NECTIN3: variants seen among roughly 807,000 people sequenced by gnomAD.
NECTIN3 encodes nectin cell adhesion molecule 3, also known as nectin-3.
In NECTIN3, 8 loss-of-function variants were observed where a neutral mutation model predicts 49.4. That is an observed-to-expected ratio of 0.16 (90% CI 0.10 to 0.29). The LOEUF (loss-of-function observed/expected upper bound fraction) is 0.29, where lower values mean the gene tolerates loss of function less well. Ranked by LOEUF, NECTIN3 falls within the 10% of genes least tolerant of loss-of-function variation. The pLI is 1.00. For missense variants in NECTIN3, 581 were observed against 654.6 expected, an observed-to-expected ratio of 0.89 and a Z score of 1.23; for synonymous variants, 277 against 241.1, an observed-to-expected ratio of 1.15 and a Z score of -1.38.
upstream of NECTIN3, among the ~76,000 whole-genome samples, chr3:111,191,887 A>G (rs2035819180): frequency 6.6e-6 from 1 of 152,220 alleles, no homozygotes; most frequent in Non-Finnish European, 1.5e-5. Flanking sequence ...GCTAGAGTAC[A>G]GTGGTACAAT....
chr3:111,072,388 C>T lies in NECTIN3; in HGVS notation c.160+211C>T, dbSNP rs978764759. On this transcript the variant is annotated intron_variant, in intron 1 of 5. Transcript: ENST00000485303. ...GAATGCTGAGCCGGCGGCCCGCTGC[C>T]CTCCCCCGCGGCCGCGCGGGTCGCC... 3.6e-5 allele frequency: 54 copies of T among 1,508,202 alleles called. No individual in the cohort carries two copies. In the Middle Eastern group the frequency reaches 6.9e-4, roughly 19 times the overall value. 93.4% of individuals were successfully genotyped at this position (1,508,202 alleles called of 1,614,324 possible). A position where few individuals can be genotyped will look rare whatever the true frequency, so the allele number is the denominator to read the frequency against.
At chr3:111,140,046 G>C (rs1433406093), downstream of NECTIN3, among the ~76,000 whole-genome samples, 1 of 151,748 alleles carries the variant, frequency 6.6e-6, no homozygotes, top group Non-Finnish European at 1.5e-5. Flanking sequence ...TTCAGTGATT[G>C]AAAGGTCTGA....
intron 7 of NECTIN3, among the ~76,000 whole-genome samples, chr3:111,167,298 A>G (rs545525433): frequency 6.6e-6 from 1 of 152,310 alleles, no homozygotes; most frequent in Admixed American, 6.5e-5. Flanking sequence ...TAGAATCAGC[A>G]TTTTTAGCTG....
At chr3:111,193,518 C>T (rs1372947414) in intron 1 of NECTIN3, 7 of 980,076 alleles carry the variant, frequency 7.1e-6, no homozygotes, top group African/African-American at 1.6e-5. Flanking sequence ...TAATGAATGA[C>T]GTAAAGCCAA....
intron 7 of NECTIN3, among the ~76,000 whole-genome samples, chr3:111,149,052 C>G (rs1270249803): frequency 6.6e-6 from 1 of 151,978 alleles, no homozygotes; most frequent in Non-Finnish European, 1.5e-5. Flanking sequence ...GGTAGAGACC[C>G]ATTTTTCCCA....
At chr3:111,073,403 G>C (rs1472132874) in intron 1 of NECTIN3, 1 of 152,308 alleles carries the variant, frequency 6.6e-6, no homozygotes, top group Non-Finnish European at 1.5e-5. Flanking sequence ...GGGATTGAGT[G>C]TCTCTTCTGG....
At chr3:111,096,017 G>A (rs1296839966) in intron 1 of NECTIN3, among the ~76,000 whole-genome samples, 2 of 152,202 alleles carry the variant, frequency 1.3e-5, no homozygotes, top group Admixed American at 1.3e-4. Context: ...TGGGTAACAG[G>A]CAGAGGTTGG....
chr3:111,152,052 A>G lies in NECTIN3; in HGVS notation c.1221+4568A>G, dbSNP rs571625269. Among the ~76,000 whole-genome samples the G allele has an allele frequency of 2.6e-5, 4 of 152,022 alleles. No individual in the cohort carries two copies. In the East Asian group the frequency reaches 7.7e-4, roughly 29 times the overall value. ...GTTACATATCTTGCCATTTTCTCCT[A>G]AAATATACTGGAGATCTTTTATTAT... On this transcript the variant is annotated intron_variant, in intron 7 of 8. Coordinates refer to the NECTIN3 transcript ENST00000493615.
At chr3:111,131,661 T>C (rs1291037187) in intron 5 of NECTIN3, among the ~76,000 whole-genome samples, 1 of 151,890 alleles carries the variant, frequency 6.6e-6, no homozygotes, top group Non-Finnish European at 1.5e-5. Context: ...TTTTGTTAAA[T>C]CTGAGTGAAA....
intron 1 of NECTIN3, among the ~76,000 whole-genome samples, chr3:111,102,543 G>T (rs903096137): frequency 2.2e-4 from 34 of 152,236 alleles, no homozygotes; most frequent in African/African-American, 8.0e-4. Flanking sequence ...TCAGGCAGCT[G>T]AAAGCTGGTT....
At chr3:111,141,030 C>T (rs1052236612), downstream of NECTIN3, among the ~76,000 whole-genome samples, 11 of 151,846 alleles carry the variant, frequency 7.2e-5, no homozygotes, top group African/African-American at 2.4e-4. Context: ...CCCTGCATTC[C>T]TGGCACTTAG....
At position 111,112,053 on chromosome 3, in the gene NECTIN3, G is replaced by C. The variant is rs776675701; in HGVS notation, c.184G>C (p.Val62Leu). The C allele has an allele frequency of 1.4e-5, 22 of 1,609,284 alleles. No individual in the cohort carries two copies. The highest frequency in any genetic ancestry group is 1.3e-4 in the South Asian group (12 of 90,476). Reference sequence around the variant, plus strand: ...AGGTGCCTTAGCTGGACCAATTATTGTGGAGCCACATGTCACAGCAGTATG... The same window carrying C: ...AGGTGCCTTAGCTGGACCAATTATTCTGGAGCCACATGTCACAGCAGTATG... ...LCGALAGPII[V>L]EPHVTAVWGK... The change falls in exon 2 of 6, where the codon GTG becomes CTG. Residue 62 changes from valine to leucine, a missense_variant. Physicochemically the swap from Val to Leu is conservative, Grantham distance 32. Coordinates refer to ENST00000485303, the MANE Select transcript of NECTIN3 (RefSeq NM_015480.3).
chr3:111,072,603 G>A, intron 1 of NECTIN3: 1 of 1,527,470 alleles, frequency 6.5e-7, no homozygotes, highest in Non-Finnish European at 8.8e-7. Context: ...GGAGCCCGAT[G>A]GAATGAAGCC....
chr3:111,191,169 T>TA (rs1192288355), upstream of NECTIN3, among the ~76,000 whole-genome samples: 2 of 152,128 alleles, frequency 1.3e-5, no homozygotes, highest in Non-Finnish European at 2.9e-5. Context: ...GATGTGAAAA[T>TA]ACAGAATTTG....
chr3:111,115,042 G>A (rs961968108), intron 2 of NECTIN3, among the ~76,000 whole-genome samples: 1 of 152,054 alleles, frequency 6.6e-6, no homozygotes, highest in African/African-American at 2.4e-5. Context: ...TTGAAATTTG[G>A]GGGCAGAATT....
At chr3:111,171,058 G>A (rs1442715117) in intron 7 of NECTIN3, among the ~76,000 whole-genome samples, 2 of 152,134 alleles carry the variant, frequency 1.3e-5, no homozygotes, top group Non-Finnish European at 2.9e-5. Context: ...TAAATGTGTG[G>A]CATTGTTGTA....
chr3:111,084,753 T>G (rs955656403), intron 1 of NECTIN3, among the ~76,000 whole-genome samples: 1 of 152,094 alleles, frequency 6.6e-6, no homozygotes, highest in African/African-American at 2.4e-5. Context: ...ATATAAGAAA[T>G]GGAGGAAAAT....
At chr3:111,179,988 G>T (rs1024202691) in intron 7 of NECTIN3, among the ~76,000 whole-genome samples, 6 of 151,496 alleles carry the variant, frequency 4.0e-5, no homozygotes, top group African/African-American at 7.3e-5. Context: ...AGATATTAGA[G>T]AACTAATAAT....
At chr3:111,125,863 T>C (rs747696836) in intron 4 of NECTIN3, among the ~76,000 whole-genome samples, 14 of 152,186 alleles carry the variant, frequency 9.2e-5, no homozygotes, top group Admixed American at 5.9e-4. Flanking sequence ...TCAAATAATA[T>C]ATTTTTCTAA....
Sources: allele counts gnomAD v4.1 joint callset (sites outside exome capture counted in the v4.1 genomes callset), GRCh38; gene constraint gnomAD v4.1.1; transcripts MANE v1.5; gene names NCBI Gene and HGNC (gene_info 2026-07-23, HGNC 2026-07-21).